Variants in EEIG2 observed in about 807,000 individuals in gnomAD.
EEIG2 encodes the protein family with sequence similarity 102 member B.
the EEIG2 span, chr1:108,628,585 G>T: frequency 3.1e-6 from 5 of 1,599,376 alleles, no homozygotes; most frequent in Admixed American, 5.2e-5. Context: ...AACTCAGCAG[G>T]TATCCTTTTA....
chr1:108,573,673 TCAA>T, the EEIG2 span, among the ~76,000 whole-genome samples: 11 of 152,134 alleles, frequency 7.2e-5, no homozygotes, highest in African/African-American at 2.7e-4. Flanking sequence ...CTCCTACAAC[TCAA>T]CAACAAAAAC....
the EEIG2 span, among the ~76,000 whole-genome samples, chr1:108,579,774 A>T: frequency 6.6e-3 from 485 of 73,866 alleles, 11 homozygotes; most frequent in East Asian, 0.081. Context: ...TGTGTGTGTG[A>T]GAGAGAGAGA....
the EEIG2 span, among the ~76,000 whole-genome samples, chr1:108,589,412 C>G: frequency 6.6e-6 from 1 of 152,184 alleles, no homozygotes; most frequent in East Asian, 1.9e-4. Context: ...CTCTGCTCCT[C>G]ATAGTAATCC....
At chr1:108,633,835 G>C in the EEIG2 span, among the ~76,000 whole-genome samples, 3 of 152,016 alleles carry the variant, frequency 2.0e-5, no homozygotes, top group African/African-American at 7.3e-5. Context: ...CTGTTATTCT[G>C]ATCTACAAAT....
At chr1:108,630,769 G>A in the EEIG2 span, among the ~76,000 whole-genome samples, 20 of 152,210 alleles carry the variant, frequency 1.3e-4, no homozygotes, top group East Asian at 3.7e-3. Flanking sequence ...CCACACTTCT[G>A]TGCACCCCTA....
At chr1:108,624,790 C>T in the EEIG2 span, 18 of 1,503,930 alleles carry the variant, frequency 1.2e-5, no homozygotes, top group East Asian at 1.1e-4. Context: ...TTGTGAGAGA[C>T]GACTTGATGC....
chr1:108,599,991 G>A, the EEIG2 span, among the ~76,000 whole-genome samples: 11 of 152,268 alleles, frequency 7.2e-5, no homozygotes, highest in South Asian at 2.3e-3. Flanking sequence ...GGAAGACTCC[G>A]TCTCAAAATA....
chr1:108,624,802 C>T, the EEIG2 span: 1 of 1,436,086 alleles, frequency 7.0e-7, no homozygotes, highest in South Asian at 1.2e-5. Flanking sequence ...ACTTGATGCC[C>T]TAAAAATTCT....
At chr1:108,574,490 C>T in the EEIG2 span, among the ~76,000 whole-genome samples, 2 of 152,242 alleles carry the variant, frequency 1.3e-5, no homozygotes, top group Admixed American at 1.3e-4. Context: ...GTGGCTCACG[C>T]CTGTAATCCC....
the EEIG2 span, chr1:108,624,613 C>A: frequency 1.3e-6 from 2 of 1,598,082 alleles, no homozygotes; most frequent in Non-Finnish European, 1.7e-6. Flanking sequence ...GAGGCTCCCC[C>A]ACAACTCCAG....
the EEIG2 span, among the ~76,000 whole-genome samples, chr1:108,609,666 A>C: frequency 3.9e-5 from 6 of 152,202 alleles, no homozygotes; most frequent in African/African-American, 2.4e-5. Context: ...AGGAGGAGGA[A>C]ATGAAGTTGG....
chr1:108,586,785 T>C, the EEIG2 span, among the ~76,000 whole-genome samples: 4 of 152,172 alleles, frequency 2.6e-5, no homozygotes, highest in Non-Finnish European at 5.9e-5. Flanking sequence ...ATAAATTTAT[T>C]GATCTGGAAA....
the EEIG2 span, among the ~76,000 whole-genome samples, chr1:108,569,093 A>G: frequency 3.9e-5 from 6 of 152,208 alleles, no homozygotes; most frequent in African/African-American, 1.4e-4. Context: ...TTGTGCCATA[A>G]AGAAGGAATA....
the EEIG2 span, chr1:108,631,213 C>T: frequency 3.2e-6 from 1 of 313,800 alleles, no homozygotes; most frequent in Non-Finnish European, 6.5e-6. Context: ...CTCTTACCCT[C>T]TGCTGGCTTA....
chr1:108,597,092 C>T, the EEIG2 span, among the ~76,000 whole-genome samples: 1 of 152,258 alleles, frequency 6.6e-6, no homozygotes, highest in South Asian at 2.1e-4. Context: ...CTTATCTGCC[C>T]ATATTTAACT....
At chr1:108,581,570 G>T in the EEIG2 span, among the ~76,000 whole-genome samples, 175 of 152,228 alleles carry the variant, frequency 1.1e-3, 1 homozygote, top group Admixed American at 5.7e-3. Context: ...AGTTGATTTC[G>T]GTCCTCATGG....
the EEIG2 span, chr1:108,627,369 A>G: frequency 6.6e-6 from 1 of 152,342 alleles, no homozygotes; most frequent in African/African-American, 2.4e-5. Flanking sequence ...TATAATAGCT[A>G]TGTTACTCAA....
At chr1:108,600,634 G>A in the EEIG2 span, 2 of 1,611,088 alleles carry the variant, frequency 1.2e-6, no homozygotes, top group Non-Finnish European at 8.5e-7. Flanking sequence ...ATGAGTGCAA[G>A]TGCTGCCACA....
At chr1:108,569,303 TG>T in the EEIG2 span, among the ~76,000 whole-genome samples, 1 of 152,192 alleles carries the variant, frequency 6.6e-6, no homozygotes, top group African/African-American at 2.4e-5. Context: ...GTTAGGAGGA[TG>T]GGTCATCTAG....
Sources: allele counts gnomAD v4.1 joint callset (sites outside exome capture counted in the v4.1 genomes callset), GRCh38; gene constraint gnomAD v4.1.1; transcripts MANE v1.5; gene names NCBI Gene and HGNC (gene_info 2026-07-23, HGNC 2026-07-21).